Variants in PLD5 observed in about 807,000 individuals in gnomAD.
PLD5 encodes the protein inactive phospholipase D5.
PLD5 carries 36 observed loss-of-function variants against 61.1 expected under a neutral mutation model. The ratio of observed to expected loss-of-function variants is 0.59; its 90% CI spans 0.45 to 0.78. The LOEUF (loss-of-function observed/expected upper bound fraction) is 0.78. PLD5 is among the 30% of genes least tolerant of loss of function. The pLI, the probability that PLD5 is intolerant of heterozygous loss-of-function variation, is 0.00. For synonymous variants in PLD5, 243 were observed against 242.8 expected (o/e 1.00, Z -0.01); for missense variants, 515 against 644.4 (o/e 0.80, Z 2.17).
intron 4 of PLD5, among the ~76,000 whole-genome samples, chr1:242,226,680 C>T (rs1007005865): frequency 1.3e-5 from 2 of 152,122 alleles, no homozygotes; most frequent in Non-Finnish European, 2.9e-5. Flanking sequence ...CCAGGTTTTA[C>T]CCGCTTCTTG....
chr1:242,257,445 C>T (rs1673134175), intron 4 of PLD5, among the ~76,000 whole-genome samples: 1 of 152,142 alleles, frequency 6.6e-6, no homozygotes, highest in Non-Finnish European at 1.5e-5. Context: ...GTGTGCTGGA[C>T]CATCAGGAGA....
At chr1:242,297,621 C>CT (rs56851216) in intron 2 of PLD5, among the ~76,000 whole-genome samples, 2 of 107,224 alleles carry the variant, frequency 1.9e-5, no homozygotes, top group African/African-American at 6.7e-5. Flanking sequence ...ATTCATGTTT[C>CT]TTTTTTTTTT....
chr1:242,358,069 T>C (rs149550695), intron 1 of PLD5, among the ~76,000 whole-genome samples: 1,970 of 152,286 alleles, frequency 0.013, 25 homozygotes, highest in East Asian at 0.026. Flanking sequence ...TCTTCATCTC[T>C]AGGATTTCTA....
At chr1:242,459,350 G>A (rs184563380) in intron 1 of PLD5, among the ~76,000 whole-genome samples, 2 of 152,326 alleles carry the variant, frequency 1.3e-5, no homozygotes, top group Admixed American at 1.3e-4. Flanking sequence ...ACCCGATGCT[G>A]AAGTTTTAGA....
At position 242,406,548 on chromosome 1, in the gene PLD5, T is replaced by C. The variant is rs142671176; in HGVS notation, c.190-58306A>G. On this transcript the variant is annotated intron_variant, in intron 1 of 9. Coordinates refer to ENST00000536534, the MANE Select transcript of PLD5 (RefSeq NM_001372062.1). ...TTAAATAGAATAAACCAACCATCTG[T>C]GGTCCAGGTTTCTTACTGACTACCA... 3.9e-4 allele frequency among the ~76,000 whole-genome samples: 60 copies of C among 152,334 alleles called. 1 individual carries two copies. In the East Asian group the frequency reaches 8.1e-3, roughly 21 times the overall value.
intron 4 of PLD5, among the ~76,000 whole-genome samples, chr1:242,247,761 C>T (rs1475639112): frequency 6.6e-6 from 1 of 152,172 alleles, no homozygotes; most frequent in African/African-American, 2.4e-5. Context: ...TGGCTATTCT[C>T]CTTCAATGTG....
chr1:242,398,422 T>A (rs1663726565), intron 1 of PLD5, among the ~76,000 whole-genome samples: 1 of 152,204 alleles, frequency 6.6e-6, no homozygotes, highest in African/African-American at 2.4e-5. Context: ...TGAAAACAAC[T>A]CCATTATGAT....
intron 4 of PLD5, among the ~76,000 whole-genome samples, chr1:242,260,471 A>AG (rs1300234191): frequency 6.6e-6 from 1 of 151,802 alleles, no homozygotes; most frequent in African/African-American, 2.4e-5. Context: ...CTCACATCTC[A>AG]TTTAGCTTGT....
intron 2 of PLD5, among the ~76,000 whole-genome samples, chr1:242,327,200 TCTCA>T (rs1015077203): frequency 6.6e-6 from 1 of 151,770 alleles, no homozygotes; most frequent in African/African-American, 2.4e-5. Context: ...AGAAACGGGG[TCTCA>T]CTATGTTGCC....
chr1:242,202,128 C>T (rs1053590392), intron 5 of PLD5, among the ~76,000 whole-genome samples: 2 of 152,152 alleles, frequency 1.3e-5, no homozygotes, highest in African/African-American at 4.8e-5. Flanking sequence ...GCAGGAGAAT[C>T]ACTCGAACCC....
At position 242,524,435 on chromosome 1, in the gene PLD5, G is replaced by C; in HGVS notation, c.-159C>G. ...GAGCGAGCGGGCGCGGGGAGCGCGG[G>C]GTGCTGAGCGCCAGCTGGGAGCGCG... On this transcript the variant is annotated 5_prime_UTR_variant, in exon 1 of 10. Coordinates refer to ENST00000536534, the MANE Select transcript of PLD5 (RefSeq NM_001372062.1). 1 of 644,802 alleles carries C rather than the reference G, an allele frequency of 1.6e-6. No homozygotes were observed. The highest frequency in any genetic ancestry group is 4.5e-5 in the Admixed American group (1 of 22,196). The allele number at this position is 644,802 out of a possible 1,614,324, so 39.9% of individuals were successfully genotyped here. A position where few individuals can be genotyped will look rare whatever the true frequency, so the allele number is the denominator to read the frequency against.
At chr1:242,233,154 A>AAATG (rs55916345) in intron 4 of PLD5, among the ~76,000 whole-genome samples, 38,567 of 149,846 alleles carry the variant, frequency 0.26, 5,288 homozygotes, top group Non-Finnish European at 0.33. Flanking sequence ...ATTCTGACTC[A>AAATG]AATGAATGAA....
intron 1 of PLD5, 66 bp from the exon 2 acceptor site, chr1:242,348,308 T>C (rs1165251185): frequency 6.7e-7 from 1 of 1,484,866 alleles, no homozygotes; most frequent in Non-Finnish European, 9.0e-7. Flanking sequence ...ACTCAAGAAG[T>C]GACAACTTCT....
chr1:242,471,791 G>C (rs949300343), intron 1 of PLD5, among the ~76,000 whole-genome samples: 2 of 152,114 alleles, frequency 1.3e-5, no homozygotes, highest in Non-Finnish European at 2.9e-5. Context: ...AATGTGTTCT[G>C]AACTTTGAAG....
chr1:242,431,160 C>T (rs1232733492), intron 1 of PLD5, among the ~76,000 whole-genome samples: 1 of 152,206 alleles, frequency 6.6e-6, no homozygotes, highest in Non-Finnish European at 1.5e-5. Flanking sequence ...GTAACCATCA[C>T]TCCCACCCAG....
chr1:242,197,128 C>T (rs979108412), intron 5 of PLD5, among the ~76,000 whole-genome samples: 2 of 152,144 alleles, frequency 1.3e-5, no homozygotes, highest in East Asian at 3.9e-4. Context: ...GAACCCAGGC[C>T]GAGGCCAGGT....
intron 4 of PLD5, among the ~76,000 whole-genome samples, chr1:242,231,530 C>T (rs773023019): frequency 8.9e-4 from 136 of 152,196 alleles, no homozygotes; most frequent in Non-Finnish European, 1.8e-3. Flanking sequence ...CAAACCTACT[C>T]ATATTGTTAC....
At chr1:242,372,139 A>G (rs934191169) in intron 1 of PLD5, among the ~76,000 whole-genome samples, 1 of 152,202 alleles carries the variant, frequency 6.6e-6, no homozygotes, top group African/African-American at 2.4e-5. Context: ...TGTAGCCTGC[A>G]GCTCCTGTAT....
At chr1:242,252,257 G>T (rs974689366) in intron 4 of PLD5, among the ~76,000 whole-genome samples, 1 of 152,234 alleles carries the variant, frequency 6.6e-6, no homozygotes, top group African/African-American at 2.4e-5. Flanking sequence ...ATAGAGCTTG[G>T]CATCTTAACT....
Sources: allele counts gnomAD v4.1 joint callset (sites outside exome capture counted in the v4.1 genomes callset), GRCh38; gene constraint gnomAD v4.1.1; transcripts MANE v1.5; gene names NCBI Gene and HGNC (gene_info 2026-07-23, HGNC 2026-07-21).